The following SLC6A6 variants were observed in gnomAD, a reference collection of about 807,000 sequenced individuals.
The protein encoded by SLC6A6 is solute carrier family 6 member 6.
In SLC6A6, 16 loss-of-function variants were observed where a neutral mutation model predicts 68.8. The ratio of observed to expected loss-of-function variants is 0.23; its 90% CI spans 0.16 to 0.35. The LOEUF (loss-of-function observed/expected upper bound fraction) is 0.35, where lower values mean the gene tolerates loss of function less well. Among genes scored for constraint, SLC6A6 ranks in the 10% least tolerant of loss-of-function variants. SLC6A6 has a pLI of 1.00. For synonymous variants in SLC6A6, 312 were observed against 315.4 expected (o/e 0.99, Z 0.12); for missense variants, 474 against 802.8 (o/e 0.59, Z 4.95).
chr3:14,456,530 A>T (rs1426955166), intron 5 of SLC6A6, among the ~76,000 whole-genome samples: 1 of 152,214 alleles, frequency 6.6e-6, no homozygotes, highest in African/African-American at 2.4e-5. Context: ...GGAATCTTGG[A>T]TTTATTCAAA....
At chr3:14,461,837 C>T (rs1370186054) in intron 6 of SLC6A6, among the ~76,000 whole-genome samples, 2 of 152,212 alleles carry the variant, frequency 1.3e-5, no homozygotes, top group African/African-American at 4.8e-5. Flanking sequence ...AATGGCGAGC[C>T]CTGCTGCCCA....
intron 2 of SLC6A6, among the ~76,000 whole-genome samples, chr3:14,438,144 C>T (rs1458142995): frequency 2.0e-5 from 3 of 152,032 alleles, no homozygotes; most frequent in South Asian, 4.1e-4. Context: ...CACGCCTGGC[C>T]CACTTTTTCT....
At chr3:14,408,217 TATACCTCAAGCA>T (rs1699153322) in intron 1 of SLC6A6, among the ~76,000 whole-genome samples, 1 of 152,224 alleles carries the variant, frequency 6.6e-6, no homozygotes, top group African/African-American at 2.4e-5. Context: ...ATAAAAGTAA[TATACCTCAAGCA>T]ATACGAAACT....
chr3:14,462,670 G>T (rs1700522610), intron 6 of SLC6A6, among the ~76,000 whole-genome samples: 1 of 152,122 alleles, frequency 6.6e-6, no homozygotes, highest in Non-Finnish European at 1.5e-5. Flanking sequence ...TTGCACTCTA[G>T]CATGGGCGAC....
In SLC6A6 at chr3:14,488,879, T is replaced by C. The variant is rs1701251804; in HGVS notation, c.*3872T>C. 6.6e-6 allele frequency: 1 copy of C among 152,646 alleles called. No individual in the cohort carries two copies. The highest frequency in any genetic ancestry group is 2.4e-5 in the African/African-American group (1 of 41,440). 9.5% of individuals were successfully genotyped at this position (152,646 alleles called of 1,614,324 possible). A position where few individuals can be genotyped will look rare whatever the true frequency, so the allele number is the denominator to read the frequency against. On this transcript the variant is annotated 3_prime_UTR_variant, in exon 15 of 15. Transcript: ENST00000622186. The stretch of plus-strand genomic sequence containing the variant: ...CTCCGAGGGATGGAGCATCCTGTTA[T>C]ATATTTGACTTCAAATTGAGATGTT...
intron 2 of SLC6A6, among the ~76,000 whole-genome samples, chr3:14,434,745 C>T (rs1308391616): frequency 2.6e-5 from 4 of 152,200 alleles, no homozygotes; most frequent in Non-Finnish European, 5.9e-5. Flanking sequence ...CTGCCTCATC[C>T]TGGCCCTTCT....
At chr3:14,439,742 G>A (rs895082675) in intron 2 of SLC6A6, among the ~76,000 whole-genome samples, 3 of 152,194 alleles carry the variant, frequency 2.0e-5, no homozygotes, top group Non-Finnish European at 2.9e-5. Flanking sequence ...ACTGCGCAGC[G>A]GGGTGACCAC....
Position 14,449,455 on chromosome 3 carries a change from T to C in SLC6A6, c.599+1639T>C, listed in dbSNP as rs147433670. 9.9e-3 allele frequency among the ~76,000 whole-genome samples: 1,509 copies of C among 152,314 alleles called. 25 individuals carry two copies. The highest frequency in any genetic ancestry group is 0.034 in the African/African-American group (1,432 of 41,560). Reference sequence around the variant, plus strand: ...CCAAGGCACAGCCTTGTCCTTTCTCTGCTGTTTTTGGAGTGGCCTGAAAAC... The same window carrying C: ...CCAAGGCACAGCCTTGTCCTTTCTCCGCTGTTTTTGGAGTGGCCTGAAAAC... On this transcript the variant is annotated intron_variant, in intron 5 of 14. Coordinates refer to ENST00000622186, the MANE Select transcript of SLC6A6 (RefSeq NM_003043.6).
At position 14,477,507 on chromosome 3, in the gene SLC6A6, G is replaced by A. The variant is rs999141910; in HGVS notation, c.1347+165G>A. ...ACCAACACTGGGGGTAGCACGAGGG[G>A]GCTCAGGAGCCCACAGCTGACCCAA... On this transcript the variant is annotated intron_variant, in intron 11 of 14. Coordinates refer to ENST00000622186, the MANE Select transcript of SLC6A6 (RefSeq NM_003043.6). This position sits in a 1 kb window ranked among gnomAD's most constrained non-coding sequence, Gnocchi z 4.2. 2.0e-5 allele frequency among the ~76,000 whole-genome samples: 3 copies of A among 152,136 alleles called. No individual in the cohort carries two copies. The highest frequency in any genetic ancestry group is 4.8e-5 in the African/African-American group (2 of 41,420).
At chr3:14,433,439 G>T (rs1699775840) in intron 2 of SLC6A6, among the ~76,000 whole-genome samples, 1 of 152,072 alleles carries the variant, frequency 6.6e-6, no homozygotes, top group Non-Finnish European at 1.5e-5. Flanking sequence ...CACCCACCCC[G>T]CAGGTTCTCA....
Position 14,481,770 on chromosome 3 carries a change from C to T in SLC6A6, c.1651C>T (p.Leu551Phe), listed in dbSNP as rs1382019702. The T allele has an allele frequency of 1.9e-6, 3 of 1,614,176 alleles. No homozygotes were observed. Among genetic ancestry groups the T allele is most frequent in the Admixed American group, 3.3e-5 (2 of 60,028 alleles). ...CATTGGGCTGGGCTGGAGCCTGGCC[C>T]TTTCCTCCATGCTCTGCGTTCCCTT... ...WAIGLGWSLA[L>F]SSMLCVPLVI... The change falls in exon 14 of 15, where the codon CTT becomes TTT. Residue 551 changes from leucine (L) to phenylalanine (F), a missense_variant. Leu to Phe is a conservative substitution (Grantham distance 22, BLOSUM62 0). Transcript: ENST00000622186. This position sits in a 1 kb window ranked among gnomAD's most constrained non-coding sequence, Gnocchi z 4.7.
chr3:14,429,748 G>A (rs924374862), intron 2 of SLC6A6, among the ~76,000 whole-genome samples: 1 of 152,142 alleles, frequency 6.6e-6, no homozygotes, highest in Non-Finnish European at 1.5e-5. Context: ...AGTGTCTCAG[G>A]CAACTCTGAT....
intron 2 of SLC6A6, among the ~76,000 whole-genome samples, chr3:14,416,985 C>T (rs1345295597): frequency 6.6e-6 from 1 of 152,268 alleles, no homozygotes; most frequent in Non-Finnish European, 1.5e-5. Context: ...GCTGGCACTA[C>T]AGGCGCGTGC....
chr3:14,481,783 T>C lies in SLC6A6; in HGVS notation c.1664T>C (p.Leu555Pro). ...LGWSLALSSM[L>P]CVPLVIVIRL... ...TGGAGCCTGGCCCTTTCCTCCATGC[T>C]CTGCGTTCCCTTGGTCATCGTCATC... The change falls in exon 14 of 15, where the codon CTC (leucine) becomes CCC (proline). Residue 555 changes from leucine (L) to proline (P), a missense_variant. Physicochemically the swap from Leu to Pro is moderately conservative, Grantham distance 98. This residue lies in a region of SLC6A6 where 194 missense variants were observed against 269.8 expected (regional missense o/e 0.72). Coordinates refer to ENST00000622186, the MANE Select transcript of SLC6A6 (RefSeq NM_003043.6). The surrounding 1 kb of genome is among the most constrained non-coding windows in gnomAD (Gnocchi z 4.7). 1.9e-6 allele frequency: 3 copies of C among 1,614,126 alleles called. No homozygotes were observed. Among genetic ancestry groups the C allele is most frequent in the Non-Finnish European group, 2.5e-6 (3 of 1,179,996 alleles).
At chr3:14,448,635 A>G (rs1411490984) in intron 5 of SLC6A6, among the ~76,000 whole-genome samples, 1 of 152,224 alleles carries the variant, frequency 6.6e-6, no homozygotes, top group Non-Finnish European at 1.5e-5. Context: ...AGAAAGCCAC[A>G]AGACAAACCC....
At position 14,485,092 on chromosome 3, in the gene SLC6A6, A is replaced by T; in HGVS notation, c.*85A>T. The T allele has an allele frequency of 1.7e-6, 2 of 1,205,884 alleles. No individual in the cohort carries two copies. The highest frequency in any genetic ancestry group is 2.9e-5 in the Admixed American group (1 of 34,268). 74.7% of individuals were successfully genotyped at this position (1,205,884 alleles called of 1,614,324 possible). A position where few individuals can be genotyped will look rare whatever the true frequency, so the allele number is the denominator to read the frequency against. Reference sequence around the variant, plus strand: ...TAGGACCAGGTTTACAGAGCTTTATATTTGCACTAGGATTTTTTTTTTTTT... The same window carrying T: ...TAGGACCAGGTTTACAGAGCTTTATTTTTGCACTAGGATTTTTTTTTTTTT... On this transcript the variant is annotated 3_prime_UTR_variant, in exon 15 of 15. Transcript: ENST00000622186.
At chr3:14,445,561 G>A (rs1277984964) in intron 3 of SLC6A6, among the ~76,000 whole-genome samples, 156 bp from the exon 4 acceptor site, 1 of 152,250 alleles carries the variant, frequency 6.6e-6, no homozygotes, top group Non-Finnish European at 1.5e-5. Context: ...GGTGGGCAGG[G>A]CCTGGAGCAT....
At chr3:14,436,531 C>CTTTTTTTTTTTTTTTT (rs58996264) in intron 2 of SLC6A6, among the ~76,000 whole-genome samples, 10 of 112,464 alleles carry the variant, frequency 8.9e-5, no homozygotes, top group East Asian at 6.6e-4. Context: ...CAACAACTCC[C>CTTTTTTTTTTTTTTTT]TTTTTTTTTT....
intron 1 of SLC6A6, among the ~76,000 whole-genome samples, chr3:14,403,920 G>A (rs1699046035): frequency 6.6e-6 from 1 of 152,352 alleles, no homozygotes. Context: ...CACCGGCCTG[G>A]CTATTTTGGT....
Sources: allele counts gnomAD v4.1 joint callset (sites outside exome capture counted in the v4.1 genomes callset), GRCh38; gene constraint gnomAD v4.1.1; regional missense constraint gnomAD v4.1.1; non-coding constraint Gnocchi (gnomAD v3.1); transcripts MANE v1.5; gene names NCBI Gene and HGNC (gene_info 2026-07-23, HGNC 2026-07-21).